The following ZCWPW1 variants were observed in gnomAD, a reference collection of about 807,000 sequenced individuals.
ZCWPW1 encodes the protein zinc finger CW-type PWWP domain protein 1.
A neutral mutation model predicts 81.3 loss-of-function variants in ZCWPW1; 56 were observed. That is an observed-to-expected ratio of 0.69 (90% CI 0.56 to 0.86). The LOEUF is 0.86. Ranked by LOEUF, ZCWPW1 falls within the 40% of genes least tolerant of loss-of-function variation. The pLI, the probability that ZCWPW1 is intolerant of heterozygous loss-of-function variation, is 0.00. For missense variants in ZCWPW1, 650 were observed against 769.8 expected (o/e 0.84, Z 1.84); for synonymous variants, 250 against 273.7 (o/e 0.91, Z 0.86).
chr7:100,402,348 A>T (rs1307034659), intron 16 of ZCWPW1, 168 bp downstream of exon 16: 3 of 885,498 alleles, frequency 3.4e-6, no homozygotes, highest in Non-Finnish European at 5.8e-6. Context: ...TTCAGTACAG[A>T]GAAGCAAAGG....
chr7:100,420,539 T>A (rs1055654388), intron 3 of ZCWPW1, 83 bp downstream of exon 3: 3 of 1,548,536 alleles, frequency 1.9e-6, no homozygotes, highest in African/African-American at 2.7e-5. Flanking sequence ...TAGGGACCCG[T>A]ACCATCCTTT....
At chr7:100,401,742 G>T in intron 17 of ZCWPW1, 147 bp downstream of exon 17, 2 of 1,056,846 alleles carry the variant, frequency 1.9e-6, no homozygotes, top group Non-Finnish European at 2.7e-6. Context: ...TGTGTGCTGG[G>T]TGCAGTCCGA....
chr7:100,408,439 C>G (rs1793504821), intron 10 of ZCWPW1, 100 bp downstream of exon 10: 1 of 1,491,568 alleles, frequency 6.7e-7, no homozygotes, highest in Admixed American at 1.9e-5. Flanking sequence ...AAGGCCAGAA[C>G]CATTTCAATT....
rs555407559 is a variant in ZCWPW1 at position 100,419,936 on chromosome 7, T to C, written c.29-53A>G. ...TATGAAACATACAGTCTAACAGAGATTGCCAAACATTACCCTTTGACTAGC... is the reference window on the plus strand; with the variant it reads ...TATGAAACATACAGTCTAACAGAGACTGCCAAACATTACCCTTTGACTAGC... On this transcript the variant is annotated intron_variant, in intron 3 of 17. Transcript: ENST00000684423. The C allele has an allele frequency of 3.1e-4, 436 of 1,396,408 alleles. 1 individual carries two copies. The African/African-American group carries it at 5.7e-3, about 18-fold the overall frequency. 86.5% of individuals were successfully genotyped at this position (1,396,408 alleles called of 1,614,324 possible).
chr7:100,420,748 G>T, intron 2 of ZCWPW1, 70 bp from the exon 3 acceptor site: 2 of 1,485,562 alleles, frequency 1.3e-6, no homozygotes, highest in African/African-American at 2.8e-5. Flanking sequence ...GTCTACTTGG[G>T]TTCAGAAACT....
chr7:100,412,247 C>T (rs1198456909), intron 8 of ZCWPW1, among the ~76,000 whole-genome samples: 18 of 152,370 alleles, frequency 1.2e-4, no homozygotes, highest in Non-Finnish European at 1.5e-5. Context: ...ACACAGCTGT[C>T]TACTTACAGC....
chr7:100,425,775 G>C (rs1485374919), intron 1 of ZCWPW1, among the ~76,000 whole-genome samples: 1 of 152,198 alleles, frequency 6.6e-6, no homozygotes, highest in East Asian at 1.9e-4. Context: ...ATTTTCTTTT[G>C]TTTAGGAGAA....
chr7:100,428,105 G>C (rs961481262), intron 1 of ZCWPW1, among the ~76,000 whole-genome samples: 4 of 152,172 alleles, frequency 2.6e-5, no homozygotes, highest in Admixed American at 6.5e-5. Flanking sequence ...ACGGGTGCCA[G>C]GACTGGCAGC....
intron 5 of ZCWPW1, 195 bp from the exon 6 acceptor site, chr7:100,417,378 T>C (rs1437754079): frequency 1.9e-6 from 1 of 525,522 alleles, no homozygotes; most frequent in Non-Finnish European, 3.3e-6. Flanking sequence ...TCCAGATCGA[T>C]CTGCCTCATT....
intron 8 of ZCWPW1, among the ~76,000 whole-genome samples, chr7:100,409,796 G>A (rs1312141977): frequency 6.6e-6 from 1 of 152,172 alleles, no homozygotes; most frequent in African/African-American, 2.4e-5. Context: ...TCTTTTTCCT[G>A]TACTAGGCTA....
At chr7:100,402,087 G>C in intron 16 of ZCWPW1, 46 bp from the exon 17 acceptor site, 1 of 1,565,090 alleles carries the variant, frequency 6.4e-7, no homozygotes, top group Non-Finnish European at 8.7e-7. Context: ...ACGACAACTC[G>C]GCAAGGGCAG....
At chr7:100,413,126 T>C (rs1213185977) in intron 8 of ZCWPW1, among the ~76,000 whole-genome samples, 1 of 152,218 alleles carries the variant, frequency 6.6e-6, no homozygotes, top group Non-Finnish European at 1.5e-5. Context: ...TTTCTCCCCA[T>C]ACTCCATCTC....
chr7:100,407,354 C>T (rs1435043893), intron 10 of ZCWPW1, 51 bp from the exon 11 acceptor site: 1 of 1,490,328 alleles, frequency 6.7e-7, no homozygotes, highest in Non-Finnish European at 9.3e-7. Context: ...GTTAGATGAA[C>T]AGAACACAAC....
Position 100,403,921 on chromosome 7 carries a change from C to G in ZCWPW1, c.1322-136G>C. The G allele has an allele frequency of 3.0e-6, 3 of 1,014,782 alleles. No homozygotes were observed. In the South Asian group the frequency reaches 4.2e-5, roughly 14 times the overall value. The allele number at this position is 1,014,782 out of a possible 1,614,324, so 62.9% of individuals were successfully genotyped here. A position where few individuals can be genotyped will look rare whatever the true frequency, so the allele number is the denominator to read the frequency against. Reference sequence around the variant, plus strand: ...GGTATTTTCTCCATAAAATGTGATCCCAGATTTCCACCCTTTTCAAAGTCC... The same window carrying G: ...GGTATTTTCTCCATAAAATGTGATCGCAGATTTCCACCCTTTTCAAAGTCC... On this transcript the variant is annotated intron_variant, in intron 14 of 17. Coordinates refer to ENST00000684423, the MANE Select transcript of ZCWPW1 (RefSeq NM_001386010.1).
Position 100,416,060 on chromosome 7 carries a change from C to T in ZCWPW1, c.669G>A (p.Glu223=), listed in dbSNP as rs371908445. The T allele has an allele frequency of 1.6e-4, 260 of 1,614,084 alleles. No individual in the cohort carries two copies. The highest frequency in any genetic ancestry group is 2.1e-4 in the Non-Finnish European group (253 of 1,180,042). ...TCTTTAGTCGGTCTTCCTGTCTGTG[C>T]TCATGTCCACCTTGAGTTTTCTCCA... ...EKVEKTQGGH[E]HRQEDRLKKT... Residue 223 remains glutamate (E), a synonymous_variant, in exon 8 of 18, where the codon GAG becomes GAA. Transcript: ENST00000684423.
At chr7:100,416,797 T>G (rs1795310330) in intron 6 of ZCWPW1, among the ~76,000 whole-genome samples, 1 of 151,958 alleles carries the variant, frequency 6.6e-6, no homozygotes, top group Non-Finnish European at 1.5e-5. Flanking sequence ...AGTATAAAAA[T>G]TAGCCGGGTG....
At chr7:100,417,301 T>C (rs910316626) in intron 5 of ZCWPW1, 118 bp from the exon 6 acceptor site, 7 of 662,902 alleles carry the variant, frequency 1.1e-5, no homozygotes, top group Non-Finnish European at 1.8e-5. Context: ...CTACCTGTCA[T>C]ATCACAGAAC....
At chr7:100,412,730 C>T (rs1487187861) in intron 8 of ZCWPW1, among the ~76,000 whole-genome samples, 4 of 151,998 alleles carry the variant, frequency 2.6e-5, no homozygotes, top group East Asian at 1.9e-4. Flanking sequence ...TACAGGCGCC[C>T]GCTACCACAC....
intron 14 of ZCWPW1, 34 bp from the exon 15 acceptor site, chr7:100,403,819 T>C (rs1792425396): frequency 1.9e-6 from 3 of 1,582,732 alleles, no homozygotes; most frequent in African/African-American, 1.3e-5. Flanking sequence ...GGCTAAATCA[T>C]TCATACCATA....
Sources: allele counts gnomAD v4.1 joint callset (sites outside exome capture counted in the v4.1 genomes callset), GRCh38; gene constraint gnomAD v4.1.1; transcripts MANE v1.5; gene names NCBI Gene and HGNC (gene_info 2026-07-23, HGNC 2026-07-21).